The following SH3PXD2B variants were observed in gnomAD, a reference collection of about 807,000 sequenced individuals.
The protein encoded by SH3PXD2B is SH3 and PX domain-containing protein 2B.
SH3PXD2B carries 37 observed loss-of-function variants against 73.1 expected under a neutral mutation model. The observed-to-expected ratio is 0.51, with a 90% confidence interval of 0.39 to 0.67. SH3PXD2B has a LOEUF of 0.67. Ranked by LOEUF, SH3PXD2B falls within the 30% of genes least tolerant of loss-of-function variation. SH3PXD2B has a pLI of 0.00. For synonymous variants in SH3PXD2B, 457 were observed against 480.5 expected (o/e 0.95, Z 0.64); for missense variants, 1,053 against 1,197.8 (o/e 0.88, Z 1.78).
chr5:172,387,265 C>T (rs562026285), intron 4 of SH3PXD2B, among the ~76,000 whole-genome samples: 5 of 152,334 alleles, frequency 3.3e-5, no homozygotes, highest in Non-Finnish European at 7.3e-5. Context: ...TACCTGAAGT[C>T]CCCTCATTGA....
chr5:172,371,822 T>C (rs1163913661), intron 6 of SH3PXD2B, among the ~76,000 whole-genome samples: 1 of 152,202 alleles, frequency 6.6e-6, no homozygotes, highest in Non-Finnish European at 1.5e-5. Flanking sequence ...GGAAAGTCTC[T>C]GCATACTCGA....
intron 2 of SH3PXD2B, among the ~76,000 whole-genome samples, chr5:172,416,678 GTC>G (rs202035580): frequency 1.5e-3 from 172 of 111,824 alleles, no homozygotes; most frequent in African/African-American, 6.1e-3. Context: ...GAGACTGTGA[GTC>G]TCTCTCTCTC....
intron 7 of SH3PXD2B, among the ~76,000 whole-genome samples, chr5:172,360,478 T>A (rs1757372106): frequency 6.6e-6 from 1 of 152,150 alleles, no homozygotes; most frequent in African/African-American, 2.4e-5. Context: ...GGAGGGAGGA[T>A]AAATCAAAAC....
intron 1 of SH3PXD2B, among the ~76,000 whole-genome samples, chr5:172,451,471 G>A (rs1388298312): frequency 6.6e-6 from 1 of 152,148 alleles, no homozygotes; most frequent in Non-Finnish European, 1.5e-5. Context: ...TAGAAGCCAG[G>A]GAAGCTGCTA....
chr5:172,389,862 T>C (rs1310041201), intron 4 of SH3PXD2B, among the ~76,000 whole-genome samples: 1 of 152,150 alleles, frequency 6.6e-6, no homozygotes, highest in Non-Finnish European at 1.5e-5. Context: ...GGATCATCTG[T>C]CCCCACACTG....
intron 6 of SH3PXD2B, among the ~76,000 whole-genome samples, chr5:172,368,626 A>AT (rs1757615360): frequency 4.2e-5 from 1 of 23,542 alleles, no homozygotes; most frequent in South Asian, 2.2e-3. Context: ...TTATATATAT[A>AT]TATAATATAT....
At chr5:172,420,737 G>A (rs761462569) in intron 2 of SH3PXD2B, among the ~76,000 whole-genome samples, 1 of 152,184 alleles carries the variant, frequency 6.6e-6, no homozygotes, top group African/African-American at 2.4e-5. Context: ...GATTGGCGTC[G>A]AGTTGAGCCT....
intron 5 of SH3PXD2B, among the ~76,000 whole-genome samples, chr5:172,381,786 A>G (rs1455126990): frequency 1.3e-5 from 2 of 152,180 alleles, no homozygotes; most frequent in African/African-American, 4.8e-5. Flanking sequence ...ACACACCTCG[A>G]TAAGTGCTGT....
intron 6 of SH3PXD2B, among the ~76,000 whole-genome samples, chr5:172,367,013 T>G (rs1230716168): frequency 7.0e-6 from 1 of 143,484 alleles, no homozygotes; most frequent in Non-Finnish European, 1.5e-5. Context: ...CTCAGCTCAC[T>G]GCAACCTCTG....
At chr5:172,392,964 T>C (rs1758222940) in intron 4 of SH3PXD2B, among the ~76,000 whole-genome samples, 2 of 152,238 alleles carry the variant, frequency 1.3e-5, no homozygotes, top group Non-Finnish European at 2.9e-5. Flanking sequence ...TCCTGATTAC[T>C]GCACCTTGTA....
At chr5:172,428,156 C>G (rs879625457) in intron 1 of SH3PXD2B, among the ~76,000 whole-genome samples, 2 of 152,194 alleles carry the variant, frequency 1.3e-5, no homozygotes, top group Non-Finnish European at 2.9e-5. Flanking sequence ...CTAAAACTTT[C>G]TCCATGGCAC....
In SH3PXD2B at chr5:172,445,098, T is replaced by G. The variant is rs1581346103; in HGVS notation, c.75+9180A>C. On this transcript the variant is annotated intron_variant, in intron 1 of 12. Transcript: ENST00000311601. This position sits in a 1 kb window ranked among gnomAD's most constrained non-coding sequence, Gnocchi z 5.2. ...TGCCCACTTGGCAGCATCCCTCCCA[T>G]GCTTTGTGACTGGCCTCAGGTCACC... Among the ~76,000 whole-genome samples the G allele has an allele frequency of 6.6e-6, 1 of 152,194 alleles. No individual in the cohort carries two copies. The highest frequency in any genetic ancestry group is 1.5e-5 in the Non-Finnish European group (1 of 68,032).
intron 5 of SH3PXD2B, 150 bp from the exon 6 acceptor site, chr5:172,373,965 A>G: frequency 1.2e-6 from 1 of 834,702 alleles, no homozygotes; most frequent in Non-Finnish European, 1.9e-6. Flanking sequence ...AGGAACCCTG[A>G]CTTCTTCAAA....
exon 13 of SH3PXD2B, chr5:172,325,376 T>G: frequency 6.5e-7 from 1 of 1,532,324 alleles, no homozygotes; most frequent in Non-Finnish European, 8.7e-7. Context: ...AACATTCTTA[T>G]GATCCTAGAT....
intron 5 of SH3PXD2B, among the ~76,000 whole-genome samples, chr5:172,377,376 C>T (rs2113361764): frequency 6.6e-6 from 1 of 152,312 alleles, no homozygotes; most frequent in South Asian, 2.1e-4. Context: ...CTCAAGTTCA[C>T]CATCCCTAAA....
Position 172,336,507 on chromosome 5 carries a change from C to A in SH3PXD2B, c.*1862G>T, listed in dbSNP as rs139756702. The stretch of plus-strand genomic sequence containing the variant: ...ACAGGTGATCAGAGGAAGCTCCTCA[C>A]GCAGAAGCAGCCAGCACCCACGTGA... On this transcript the variant is annotated 3_prime_UTR_variant, in exon 13 of 13. Transcript: ENST00000311601. 1 of 978,700 alleles carries A rather than the reference C, an allele frequency of 1.0e-6. No homozygotes were observed. The allele number at this position is 978,700 out of a possible 1,614,324, so 60.6% of individuals were successfully genotyped here.
intron 4 of SH3PXD2B, among the ~76,000 whole-genome samples, chr5:172,388,417 AAGC>A (rs1758102287): frequency 4.6e-5 from 7 of 152,180 alleles, no homozygotes; most frequent in Admixed American, 4.6e-4. Context: ...AGTTCCCTTG[AAGC>A]TGAGCCCAGG....
chr5:172,339,468 G>A lies in SH3PXD2B; in HGVS notation c.1637C>T (p.Thr546Met), dbSNP rs538706044. Reference sequence around the variant, plus strand: ...GGGAGTGGGGCCCCGGAGCTGCTCCGTCCTCTGCCGCTCCCGCTCCCGCTC... The same window carrying A: ...GGGAGTGGGGCCCCGGAGCTGCTCCATCCTCTGCCGCTCCCGCTCCCGCTC... ...LLERERERQR[T>M]EQLRGPTPKP... is the part of the protein sequence containing the mutation. Residue 546 changes from threonine (T) to methionine (M), a missense_variant, in exon 13 of 13, where the codon ACG becomes ATG. Thr to Met is a moderately conservative substitution (Grantham distance 81, BLOSUM62 -1). Around this residue, in one of 2 missense-constraint regions of SH3PXD2B, gnomAD observed 587 missense variants for 590.7 expected, o/e 0.99. Transcript: ENST00000311601. This position sits in a 1 kb window ranked among gnomAD's most constrained non-coding sequence, Gnocchi z 6.1. 2.2e-5 allele frequency: 35 copies of A among 1,613,796 alleles called. No individual in the cohort carries two copies. The highest frequency in any genetic ancestry group is 2.1e-4 in the South Asian group (19 of 91,078).
rs1756676920 is a variant in SH3PXD2B at position 172,335,802 on chromosome 5, A to G, written c.*2567T>C. 1 of 1,229,950 alleles carries G rather than the reference A, an allele frequency of 8.1e-7. No individual in the cohort carries two copies. Among genetic ancestry groups the G allele is most frequent in the African/African-American group, 1.6e-5 (1 of 64,396 alleles). 76.2% of individuals were successfully genotyped at this position (1,229,950 alleles called of 1,614,324 possible). A position where few individuals can be genotyped will look rare whatever the true frequency, so the allele number is the denominator to read the frequency against. Reference sequence around the variant, plus strand: ...CCACCCACTGCCTGGGGAAGTGTCTACCATTGTAGGAAAAGGAGCTGGATA... The same window carrying G: ...CCACCCACTGCCTGGGGAAGTGTCTGCCATTGTAGGAAAAGGAGCTGGATA... On this transcript the variant is annotated 3_prime_UTR_variant, in exon 13 of 13. Transcript: ENST00000311601.
Sources: gnomAD v4.1 joint callset for allele counts (sites outside exome capture counted in the v4.1 genomes callset) on GRCh38, gnomAD v4.1.1 for gene constraint, gnomAD v4.1.1 regional missense constraint, Gnocchi (gnomAD v3.1) non-coding constraint, MANE v1.5 for transcripts, NCBI Gene and HGNC (gene_info 2026-07-23, HGNC 2026-07-21) for gene names.